The following SPINK8 variants were observed in gnomAD, a reference collection of about 807,000 sequenced individuals.
The protein encoded by SPINK8 is serine peptidase inhibitor Kazal type 8 (putative).
In SPINK8, 12 loss-of-function variants were observed where a neutral mutation model predicts 14.4. That is an observed-to-expected ratio of 0.83 (90% CI 0.53 to 1.35). The LOEUF is 1.35. Ranked by LOEUF, SPINK8 falls within the 40% of genes most tolerant of loss-of-function variation. The pLI is 0.00. For synonymous variants in SPINK8, 32 were observed against 37.6 expected, an observed-to-expected ratio of 0.85 and a Z score of 0.55; for missense variants, 103 against 117.0, an observed-to-expected ratio of 0.88 and a Z score of 0.55.
rs1230703126 is a variant in SPINK8, at chr3:48,306,908, A to T, written c.*84T>A. On this transcript the variant is annotated 3_prime_UTR_variant, in exon 8 of 8. Transcript: ENST00000434006. ...GTTTGATCCAACCATTAGTAATTAAAGGGGATATATTTGAAGAGGCAACCA... is the reference window on the plus strand; with the variant it reads ...GTTTGATCCAACCATTAGTAATTAATGGGGATATATTTGAAGAGGCAACCA... 4.3e-6 allele frequency: 6 copies of T among 1,385,796 alleles called. No homozygotes were observed. The highest frequency in any genetic ancestry group is 6.1e-6 in the Non-Finnish European group (6 of 988,812). 85.8% of individuals were successfully genotyped at this position (1,385,796 alleles called of 1,614,324 possible).
chr3:48,327,240 TA>T (rs1468997554), intron 4 of SPINK8, among the ~76,000 whole-genome samples: 2 of 152,160 alleles, frequency 1.3e-5, no homozygotes, highest in East Asian at 3.8e-4. Context: ...AAGGAGAATA[TA>T]AAAATATTTT....
chr3:48,321,465 A>C lies in SPINK8; in HGVS notation c.68-391T>G, dbSNP rs530345644. On this transcript the variant is annotated intron_variant, in intron 4 of 7. Coordinates refer to ENST00000434006, the MANE Select transcript of SPINK8 (RefSeq NM_001080525.3). ...AGTCTTTGCAATTACATATGTATATAAAATTTTATATAAGTATATATTATA... is the reference window on the plus strand; with the variant it reads ...AGTCTTTGCAATTACATATGTATATCAAATTTTATATAAGTATATATTATA... 1.5e-3 allele frequency among the ~76,000 whole-genome samples: 230 copies of C among 151,472 alleles called. 1 individual carries two copies. The highest frequency in any genetic ancestry group is 5.2e-3 in the African/African-American group (217 of 41,430).
intron 4 of SPINK8, 134 bp from the exon 5 acceptor site, chr3:48,321,208 G>A (rs1168233981): frequency 6.9e-6 from 5 of 728,598 alleles, no homozygotes; most frequent in Non-Finnish European, 1.1e-5. Flanking sequence ...GCTCCTCTTT[G>A]ATGCAAGCTG....
chr3:48,309,930 T>C lies in SPINK8; in HGVS notation c.256A>G (p.Ile86Val), dbSNP rs990118120. 3 of 1,436,110 alleles carry C rather than the reference T, an allele frequency of 2.1e-6. No homozygotes were observed. The highest frequency in any genetic ancestry group is 3.0e-5 in the African/African-American group (2 of 66,908). 89.0% of individuals were successfully genotyped at this position (1,436,110 alleles called of 1,614,324 possible). A position where few individuals can be genotyped will look rare whatever the true frequency, so the allele number is the denominator to read the frequency against. Reference sequence around the variant, plus strand: ...CATTGTCCATCATACAGTTTAGTTATGTTAAGCCCTTCAAATCTGAAAGAA... The same window carrying C: ...CATTGTCCATCATACAGTTTAGTTACGTTAAGCCCTTCAAATCTGAAAGAA... ...CSKILFEGLN[I>V]TKLYDGQCEN... The change falls in exon 7 of 8, where the codon ATA (isoleucine) becomes GTA (valine). Residue 86 changes from isoleucine to valine, a missense_variant. Ile to Val is a conservative substitution (Grantham distance 29). Transcript: ENST00000434006.
intron 2 of SPINK8, among the ~76,000 whole-genome samples, chr3:48,330,465 G>A (rs1000476068): frequency 2.0e-5 from 3 of 152,128 alleles, no homozygotes; most frequent in African/African-American, 7.2e-5. Flanking sequence ...GTTGCAGTAA[G>A]CCGAGATCGC....
chr3:48,328,985 T>C (rs900724730), intron 3 of SPINK8, among the ~76,000 whole-genome samples, 168 bp downstream of exon 3: 1 of 152,222 alleles, frequency 6.6e-6, no homozygotes, highest in Non-Finnish European at 1.5e-5. Context: ...TACATACCAA[T>C]TGATATTTTA....
intron 4 of SPINK8, among the ~76,000 whole-genome samples, chr3:48,323,136 GTTTT>G (rs1449242780): frequency 1.3e-5 from 2 of 151,930 alleles, no homozygotes; most frequent in Non-Finnish European, 2.9e-5. Flanking sequence ...TATCTCTGTT[GTTTT>G]TGTTTGTTTT....
intron 2 of SPINK8, among the ~76,000 whole-genome samples, chr3:48,331,717 G>A (rs149481361): frequency 7.0e-4 from 107 of 152,370 alleles, no homozygotes; most frequent in African/African-American, 2.4e-3. Flanking sequence ...AGAAAGGTAT[G>A]TGAAAATGGT....
At chr3:48,314,525 G>A (rs1015385852) in intron 6 of SPINK8, among the ~76,000 whole-genome samples, 2 of 152,138 alleles carry the variant, frequency 1.3e-5, no homozygotes, top group African/African-American at 4.8e-5. Flanking sequence ...CAGCCTGGCA[G>A]CATCTGGAGG....
At chr3:48,323,822 G>A (rs955216032) in intron 4 of SPINK8, among the ~76,000 whole-genome samples, 6 of 151,810 alleles carry the variant, frequency 4.0e-5, no homozygotes, top group South Asian at 2.1e-4. Context: ...TTCATAAAAC[G>A]TATGACTGAA....
chr3:48,321,935 C>G (rs1370664449), intron 4 of SPINK8, among the ~76,000 whole-genome samples: 1 of 149,152 alleles, frequency 6.7e-6, no homozygotes, highest in East Asian at 2.1e-4. Flanking sequence ...ACCTCAGCCT[C>G]CCAAGTGGCT....
At chr3:48,325,278 C>T (rs546191567) in intron 4 of SPINK8, among the ~76,000 whole-genome samples, 8 of 151,714 alleles carry the variant, frequency 5.3e-5, no homozygotes, top group East Asian at 1.9e-4. Context: ...GTAATTCATT[C>T]GCATTTAATT....
At chr3:48,319,281 T>A (rs574329841) in intron 6 of SPINK8, among the ~76,000 whole-genome samples, 11 of 152,254 alleles carry the variant, frequency 7.2e-5, no homozygotes, top group Non-Finnish European at 1.5e-4. Context: ...TGCCCTCACC[T>A]TAGTGGATTT....
intron 4 of SPINK8, among the ~76,000 whole-genome samples, chr3:48,323,662 A>G (rs2036104333): frequency 1.3e-5 from 2 of 152,202 alleles, no homozygotes; most frequent in Admixed American, 1.3e-4. Context: ...TCTTTTGTAT[A>G]TAGATATCCA....
chr3:48,317,971 C>T (rs1575343428), intron 6 of SPINK8, among the ~76,000 whole-genome samples: 2 of 152,074 alleles, frequency 1.3e-5, no homozygotes, highest in Admixed American at 6.5e-5. Context: ...AATCCCTAGG[C>T]TCAAGCAATC....
chr3:48,325,915 CTT>C (rs71074233), intron 4 of SPINK8, among the ~76,000 whole-genome samples: 20 of 141,620 alleles, frequency 1.4e-4, no homozygotes, highest in Non-Finnish European at 1.2e-4. Flanking sequence ...CTTTTCTTTT[CTT>C]TTTTTTTTTT....
chr3:48,315,211 A>G (rs760710480), intron 6 of SPINK8, among the ~76,000 whole-genome samples: 2 of 152,260 alleles, frequency 1.3e-5, no homozygotes, highest in Non-Finnish European at 2.9e-5. Context: ...AACAAATAAC[A>G]GCAACAAACC....
chr3:48,309,936 G>A lies in SPINK8; in HGVS notation c.250C>T (p.Leu84Phe), dbSNP rs1022559655. The change falls in exon 7 of 8, where the codon CTT (leucine) becomes TTT (phenylalanine). Residue 84 changes from leucine (L) to phenylalanine (F), a missense_variant. Physicochemically the swap from Leu to Phe is conservative, Grantham distance 22 (BLOSUM62 0). Coordinates refer to ENST00000434006, the MANE Select transcript of SPINK8 (RefSeq NM_001080525.3). ...HLCSKILFEG[L>F]NITKLYDGQC... ...CCATCATACAGTTTAGTTATGTTAAGCCCTTCAAATCTGAAAGAAATTATA... is the reference window on the plus strand; with the variant it reads ...CCATCATACAGTTTAGTTATGTTAAACCCTTCAAATCTGAAAGAAATTATA... 3 of 1,431,212 alleles carry A rather than the reference G, an allele frequency of 2.1e-6. No individual in the cohort carries two copies. Among genetic ancestry groups the A allele is most frequent in the Non-Finnish European group, 2.7e-6 (3 of 1,093,466 alleles). The allele number at this position is 1,431,212 out of a possible 1,614,324, so 88.7% of individuals were successfully genotyped here. A position where few individuals can be genotyped will look rare whatever the true frequency, so the allele number is the denominator to read the frequency against.
chr3:48,315,536 C>T (rs946531957), intron 6 of SPINK8, among the ~76,000 whole-genome samples: 3 of 151,806 alleles, frequency 2.0e-5, no homozygotes, highest in Admixed American at 2.0e-4. Flanking sequence ...GCCTGACCAA[C>T]ATGGTGAAAT....
Sources: allele counts gnomAD v4.1 joint callset (sites outside exome capture counted in the v4.1 genomes callset), GRCh38; gene constraint gnomAD v4.1.1; transcripts MANE v1.5; gene names NCBI Gene and HGNC (gene_info 2026-07-23, HGNC 2026-07-21).